Variants in SACS observed in about 807,000 individuals in gnomAD.
The protein encoded by SACS is sacsin molecular chaperone.
A neutral mutation model predicts 348.0 loss-of-function variants in SACS; 197 were observed. That is an observed-to-expected ratio of 0.57 (90% CI 0.50 to 0.64). SACS has a LOEUF of 0.64. Among genes scored for constraint, SACS ranks in the 30% least tolerant of loss-of-function variants. The probability of loss-of-function intolerance (pLI) is 0.00; values close to 1 mark genes in which losing one functional copy is unlikely to be tolerated. For missense variants in SACS, 4,999 were observed against 5,360.8 expected (o/e 0.93, Z 2.11); for synonymous variants, 1,985 against 1,910.6 (o/e 1.04, Z -1.02).
intron 6 of SACS, among the ~76,000 whole-genome samples, chr13:23,364,310 A>G (rs1306662977): frequency 6.6e-6 from 1 of 152,200 alleles, no homozygotes; most frequent in African/African-American, 2.4e-5. Context: ...GTCATTGACA[A>G]TGACTTCAGA....
chr13:23,403,092 C>T (rs944400704), intron 2 of SACS, among the ~76,000 whole-genome samples: 7 of 151,762 alleles, frequency 4.6e-5, no homozygotes, highest in Admixed American at 1.3e-4. Flanking sequence ...GCAGGAGAAT[C>T]GCTTGAACCC....
intron 8 of SACS, among the ~76,000 whole-genome samples, chr13:23,354,162 A>T (rs985502363): frequency 1.3e-5 from 2 of 152,344 alleles, no homozygotes; most frequent in African/African-American, 4.8e-5. Context: ...TTTATAAAGA[A>T]TTACTTAATA....
intron 2 of SACS, among the ~76,000 whole-genome samples, chr13:23,399,792 C>G (rs952083988): frequency 3.3e-5 from 5 of 152,062 alleles, no homozygotes; most frequent in African/African-American, 1.2e-4. Flanking sequence ...CCATCACAGA[C>G]ATGCTAGCCC....
chr13:23,373,841 C>T, intron 3 of SACS: 1 of 151,212 alleles, frequency 6.6e-6, no homozygotes. Flanking sequence ...GGGGGATATG[C>T]TGAACCTTTT....
intron 2 of SACS, among the ~76,000 whole-genome samples, chr13:23,402,276 C>T (rs1010583112): frequency 2.0e-5 from 3 of 151,414 alleles, no homozygotes; most frequent in African/African-American, 2.4e-5. Flanking sequence ...ATTAATTACA[C>T]GGGACTGAAT....
intron 2 of SACS, among the ~76,000 whole-genome samples, chr13:23,396,888 T>A (rs1016998343): frequency 3.3e-5 from 5 of 152,202 alleles, no homozygotes; most frequent in African/African-American, 1.2e-4. Flanking sequence ...TAGACATTCA[T>A]TAGCAATTTC....
At chr13:23,428,988 C>T (rs1593187402) in intron 1 of SACS, 1 of 152,166 alleles carries the variant, frequency 6.6e-6, no homozygotes, top group South Asian at 2.1e-4. Flanking sequence ...GACTAGAAGG[C>T]TGGCACCGAA....
rs1181477970 is a variant in SACS at position 23,337,252 on chromosome 13, TG to T, written c.6623del (p.Ala2208GlufsTer12). ...IRDPRAKDFA[A>X]KYQTIRFLPF... The stretch of plus-strand genomic sequence containing the variant: ...GAAGGAAGCGGATTGTTTGATATTT[TG>T]CAGCAAAATCCTTTGCTCTAGGATC... On this transcript the variant is annotated frameshift_variant, in exon 10 of 10. Transcript: ENST00000382292. LOFTEE classifies it high-confidence loss of function. The T allele has an allele frequency of 1.2e-6, 2 of 1,613,858 alleles. No homozygotes were observed. The highest frequency in any genetic ancestry group is 1.3e-5 in the African/African-American group (1 of 74,922).
At chr13:23,386,138 A>C (rs1029035607) in intron 2 of SACS, among the ~76,000 whole-genome samples, 6 of 152,370 alleles carry the variant, frequency 3.9e-5, no homozygotes, top group Non-Finnish European at 5.9e-5. Context: ...CTTAGTCACC[A>C]GCTGCATTAG....
Position 23,337,942 on chromosome 13 carries a change from G to A in SACS, c.5934C>T (p.Val1978=). Residue 1978 remains valine, a synonymous_variant, in exon 10 of 10, where the codon GTC becomes GTT. Coordinates refer to ENST00000382292, the MANE Select transcript of SACS (RefSeq NM_014363.6). The part of the protein sequence containing the change: ...AHGKGKELTK[V]FSDGSTWVSM... ...AAACCCAAGTAGATCCATCAGAGAA[G>A]ACTTTGGTCAGTTCTTTCCCTTTTC... 1 of 1,613,980 alleles carries A rather than the reference G, an allele frequency of 6.2e-7. No individual in the cohort carries two copies. The highest frequency in any genetic ancestry group is 1.1e-5 in the South Asian group (1 of 91,078).
Position 23,333,658 on chromosome 13 carries a change from A to T in SACS, c.10218T>A (p.Ile3406=), listed in dbSNP as rs1390279654. The T allele has an allele frequency of 1.9e-6, 3 of 1,613,738 alleles. No homozygotes were observed. The highest frequency in any genetic ancestry group is 2.2e-5 in the South Asian group (2 of 91,080). Residue 3406 remains isoleucine (I), a synonymous_variant, in exon 10 of 10, where the codon ATT becomes ATA. Coordinates refer to ENST00000382292, the MANE Select transcript of SACS (RefSeq NM_014363.6). ...ATTTATAGCACGGAAGTGACTTTAG[A>T]ATTTTTATATCATCTTGGGACATCA... The part of the protein sequence containing the change: ...NHLMSQDDIK[I]LKSLPCYKSI...
At chr13:23,370,973 T>C (rs1055843988) in intron 4 of SACS, 105 bp downstream of exon 4, 14 of 619,974 alleles carry the variant, frequency 2.3e-5, no homozygotes, top group South Asian at 7.7e-5. Flanking sequence ...GCCTGGGCGA[T>C]AGGGCGAGAC....
chr13:23,409,121 CG>C (rs1873373870), intron 2 of SACS, among the ~76,000 whole-genome samples: 1 of 107,666 alleles, frequency 9.3e-6, no homozygotes, highest in South Asian at 3.4e-4. Context: ...GGTGCGATTT[CG>C]GCTCACTGAT....
At chr13:23,386,074 C>A (rs1162378692) in intron 2 of SACS, among the ~76,000 whole-genome samples, 1 of 152,226 alleles carries the variant, frequency 6.6e-6, no homozygotes, top group African/African-American at 2.4e-5. Context: ...GTAGATATAG[C>A]ATAATGCTTA....
Position 23,340,255 on chromosome 13 carries a change from T to C in SACS, c.3621A>G (p.Val1207=). 6.2e-7 allele frequency: 1 copy of C among 1,612,106 alleles called. No individual in the cohort carries two copies. The highest frequency in any genetic ancestry group is 8.5e-7 in the Non-Finnish European group (1 of 1,178,914). The part of the protein sequence containing the change: ...SSLPLVESIH[V]NLEKALGIFT... Reference sequence around the variant, plus strand: ...AGATCCCTAATGCTTTTTCCAGGTTTACATGGATACTTTCAACAAGAGGAA... The same window carrying C: ...AGATCCCTAATGCTTTTTCCAGGTTCACATGGATACTTTCAACAAGAGGAA... The change falls in exon 10 of 10, where the codon GTA becomes GTG. Residue 1207 remains valine (V), a synonymous_variant. Coordinates refer to ENST00000382292, the MANE Select transcript of SACS (RefSeq NM_014363.6).
At chr13:23,359,347 T>C (rs1870596205) in intron 6 of SACS, among the ~76,000 whole-genome samples, 1 of 152,188 alleles carries the variant, frequency 6.6e-6, no homozygotes. Context: ...TTTTAAAAAA[T>C]AAATCTTATT....
intron 9 of SACS, 129 bp from the exon 10 acceptor site, chr13:23,341,819 C>T (rs1435962690): frequency 2.5e-5 from 20 of 785,822 alleles, no homozygotes; most frequent in Non-Finnish European, 3.6e-5. Flanking sequence ...CGGAGTCTTG[C>T]TCTGTCGCCC....
At chr13:23,419,617 C>G (rs759310469) in intron 1 of SACS, among the ~76,000 whole-genome samples, 12 of 151,986 alleles carry the variant, frequency 7.9e-5, no homozygotes, top group Non-Finnish European at 1.6e-4. Context: ...AATTTCGGGT[C>G]CCACATTTTC....
At position 23,334,543 on chromosome 13, in the gene SACS, A is replaced by G. The variant is rs150532740; in HGVS notation, c.9333T>C (p.Asn3111=). 3.5e-5 allele frequency: 56 copies of G among 1,613,454 alleles called. No homozygotes were observed. In the African/African-American group the frequency reaches 6.5e-4, roughly 19 times the overall value. ...GACAAGGCAGCTTCCCAATATGGCA[A>G]TTAGTGTCAGGAGAGGAAAATGTCA... ...FLMTFSSPDT[N]CHIGKLPCRL... Residue 3111 remains asparagine, a synonymous_variant, in exon 10 of 10, where the codon AAT becomes AAC. Coordinates refer to ENST00000382292, the MANE Select transcript of SACS (RefSeq NM_014363.6).
Sources: gnomAD v4.1 joint callset for allele counts (sites outside exome capture counted in the v4.1 genomes callset) on GRCh38, gnomAD v4.1.1 for gene constraint, MANE v1.5 for transcripts, NCBI Gene and HGNC (gene_info 2026-07-23, HGNC 2026-07-21) for gene names.